FBN2: variants seen among roughly 807,000 people sequenced by gnomAD.
FBN2 encodes the protein fibrillin-2.
Under a neutral mutation model 355.6 loss-of-function variants are expected in FBN2, and 105 were observed. The ratio of observed to expected loss-of-function variants is 0.30; its 90% confidence interval spans 0.25 to 0.35. The LOEUF is 0.35. Ranked by LOEUF, FBN2 falls within the 10% of genes least tolerant of loss-of-function variation. The probability of loss-of-function intolerance (pLI) is 1.00; values close to 1 mark genes in which losing one functional copy is unlikely to be tolerated. For missense variants in FBN2, 3,280 were observed against 3,758.7 expected (o/e 0.87, Z 3.33); for synonymous variants, 1,350 against 1,301.2 (o/e 1.04, Z -0.81).
At chr5:128,435,068 C>T (rs779543735) in intron 7 of FBN2, among the ~76,000 whole-genome samples, 2 of 152,000 alleles carry the variant, frequency 1.3e-5, no homozygotes, top group Non-Finnish European at 2.9e-5. Flanking sequence ...AGGGAAACAA[C>T]ATTGGTTCTC....
intron 5 of FBN2, among the ~76,000 whole-genome samples, chr5:128,491,253 G>A (rs953027837): frequency 2.6e-5 from 4 of 152,166 alleles, no homozygotes; most frequent in Non-Finnish European, 1.5e-5. Flanking sequence ...CTTTTGAAAA[G>A]GACAGCAAGC....
intron 7 of FBN2, among the ~76,000 whole-genome samples, chr5:128,415,360 T>C (rs757082216): frequency 2.0e-5 from 3 of 152,194 alleles, no homozygotes; most frequent in Non-Finnish European, 4.4e-5. Flanking sequence ...TCCTCCACTA[T>C]GGCCAAACAT....
Position 128,426,146 on chromosome 5 carries a change from A to G in FBN2, c.953-17347T>C, listed in dbSNP as rs1017325296. Among the ~76,000 whole-genome samples the G allele has an allele frequency of 2.0e-5, 3 of 152,248 alleles. No individual in the cohort carries two copies. The South Asian group carries it at 6.2e-4, about 32-fold the overall frequency. ...TTCTCTATGCAAAACGACAAATTCA[A>G]AATAGCTGAATGGGGAGACTACCAA... On this transcript the variant is annotated intron_variant, in intron 7 of 64. Coordinates refer to ENST00000262464, the MANE Select transcript of FBN2 (RefSeq NM_001999.4).
At chr5:128,361,168 CT>C (rs1241948047) in intron 19 of FBN2, among the ~76,000 whole-genome samples, 1 of 152,178 alleles carries the variant, frequency 6.6e-6, no homozygotes, top group East Asian at 1.9e-4. Flanking sequence ...CTTTTAAACA[CT>C]AGTTATGGTC....
chr5:128,296,042 A>G (rs1749499239), intron 48 of FBN2, among the ~76,000 whole-genome samples: 2 of 152,276 alleles, frequency 1.3e-5, no homozygotes, highest in South Asian at 2.1e-4. Context: ...AGTTTTTAGC[A>G]TGAAGCACTG....
In FBN2 at chr5:128,305,814, T is replaced by C; in HGVS notation, c.5548+9A>G. On this transcript the variant is annotated intron_variant, in intron 43 of 64. Transcript: ENST00000262464. ...ATACTGGATAAAGGACATACTTTAT[T>C]CAGATTACCTTCACAAACCAACAGC... is the stretch of plus-strand genomic sequence containing the variant. The C allele has an allele frequency of 6.2e-7, 1 of 1,613,432 alleles. No individual in the cohort carries two copies. The highest frequency in any genetic ancestry group is 8.5e-7 in the Non-Finnish European group (1 of 1,179,348).
chr5:128,500,430 CTTTTTTTT>C lies in FBN2; in HGVS notation c.628+18835_628+18842del, dbSNP rs149068555. ...TGAAAATGATGAGACTCTGACAATT[CTTTTTTTT>C]TTTTTTTTTTTTTTTTTTTTTTCAG... On this transcript the variant is annotated intron_variant, in intron 5 of 64. Transcript: ENST00000262464. Among the ~76,000 whole-genome samples, 35 of 51,168 alleles carry C rather than the reference CTTTTTTTT, an allele frequency of 6.8e-4. 1 individual carries two copies. Among genetic ancestry groups the C allele is most frequent in the African/African-American group, 3.6e-3 (34 of 9,566 alleles). The allele number at this position is 51,168 out of a possible 152,430, so 33.6% of individuals were successfully genotyped here.
intron 34 of FBN2, among the ~76,000 whole-genome samples, chr5:128,326,504 T>G (rs941145573): frequency 1.3e-5 from 2 of 152,218 alleles, no homozygotes; most frequent in African/African-American, 4.8e-5. Context: ...ACTTCAATAA[T>G]TTTTTGAATT....
intron 51 of FBN2, among the ~76,000 whole-genome samples, 177 bp from the exon 52 acceptor site, chr5:128,289,429 CA>C (rs960476509): frequency 8.0e-5 from 12 of 150,510 alleles, no homozygotes; most frequent in Non-Finnish European, 1.3e-4. Context: ...ACTAAAAATA[CA>C]AAAAAAAATT....
chr5:128,343,979 C>T (rs1751098760), intron 25 of FBN2, among the ~76,000 whole-genome samples: 1 of 152,106 alleles, frequency 6.6e-6, no homozygotes, highest in South Asian at 2.1e-4. Context: ...GCCTGTAATC[C>T]CAGCACTTGG....
At chr5:128,437,734 A>G (rs1753805388) in intron 7 of FBN2, among the ~76,000 whole-genome samples, 1 of 152,098 alleles carries the variant, frequency 6.6e-6, no homozygotes, top group Admixed American at 6.6e-5. Context: ...TAGAGAGAGT[A>G]GTCTAGATAG....
At chr5:128,300,208 C>A (rs1749675409) in intron 48 of FBN2, among the ~76,000 whole-genome samples, 1 of 152,148 alleles carries the variant, frequency 6.6e-6, no homozygotes, top group Non-Finnish European at 1.5e-5. Flanking sequence ...TTCAACAAGG[C>A]TGTAAAAAAT....
chr5:128,333,566 C>A (rs934524977), intron 31 of FBN2, among the ~76,000 whole-genome samples: 4 of 151,706 alleles, frequency 2.6e-5, no homozygotes, highest in Admixed American at 2.0e-4. Flanking sequence ...TTAAAAAAAA[C>A]TATTCATTTA....
At chr5:128,510,099 T>C (rs1215830789) in intron 5 of FBN2, among the ~76,000 whole-genome samples, 1 of 152,170 alleles carries the variant, frequency 6.6e-6, no homozygotes, top group Non-Finnish European at 1.5e-5. Flanking sequence ...GCCATCTTGA[T>C]CTCCCCAGAA....
At chr5:128,479,230 GT>G (rs943986519) in intron 5 of FBN2, among the ~76,000 whole-genome samples, 6 of 152,064 alleles carry the variant, frequency 3.9e-5, no homozygotes, top group African/African-American at 1.4e-4. Flanking sequence ...AAGTTCCTTT[GT>G]TTTTTTGCAT....
intron 7 of FBN2, among the ~76,000 whole-genome samples, chr5:128,409,121 C>CA (rs533586549): frequency 2.0e-3 from 300 of 152,176 alleles, no homozygotes; most frequent in Non-Finnish European, 3.5e-3. Flanking sequence ...AGGGAATTAT[C>CA]CTACTAGAGC....
At chr5:128,336,179 C>A in intron 27 of FBN2, 66 bp from the exon 28 acceptor site, 1 of 1,529,972 alleles carries the variant, frequency 6.5e-7, no homozygotes, top group African/African-American at 1.4e-5. Context: ...CAGAAAGGTG[C>A]TTCACCAGAG....
At chr5:128,353,983 A>G (rs1477120180) in intron 20 of FBN2, among the ~76,000 whole-genome samples, 2 of 151,542 alleles carry the variant, frequency 1.3e-5, no homozygotes, top group African/African-American at 2.4e-5. Flanking sequence ...CCTTTCCTCC[A>G]TCCTCCCTCC....
At chr5:128,291,272 CAT>C (rs1204248696) in intron 49 of FBN2, among the ~76,000 whole-genome samples, 1 of 152,026 alleles carries the variant, frequency 6.6e-6, no homozygotes, top group Non-Finnish European at 1.5e-5. Flanking sequence ...ACAAAATTAA[CAT>C]AGTCATTCTG....
Sources: allele counts gnomAD v4.1 joint callset (sites outside exome capture counted in the v4.1 genomes callset), GRCh38; gene constraint gnomAD v4.1.1; transcripts MANE v1.5; gene names NCBI Gene and HGNC (gene_info 2026-07-23, HGNC 2026-07-21).